KCND3: variants seen among roughly 807,000 people sequenced by gnomAD.
The protein encoded by KCND3 is A-type voltage-gated potassium channel KCND3.
Under a neutral mutation model 51.1 loss-of-function variants are expected in KCND3, and 9 were observed. The observed-to-expected ratio is 0.18, with a 90% confidence interval of 0.11 to 0.31. The LOEUF (loss-of-function observed/expected upper bound fraction) is 0.31, where lower values mean the gene tolerates loss of function less well. Ranked by LOEUF, KCND3 falls within the 10% of genes least tolerant of loss-of-function variation. KCND3 has a pLI of 1.00. For synonymous variants in KCND3, 349 were observed against 368.0 expected, an observed-to-expected ratio of 0.95 and a Z score of 0.59; for missense variants, 526 against 903.8, an observed-to-expected ratio of 0.58 and a Z score of 5.36.
rs1471572255 is a variant in KCND3, at chr1:111,777,151, G to A, written c.1641C>T (p.Cys547=). Residue 547 remains cysteine, a synonymous_variant, in exon 7 of 8, where the codon TGC becomes TGT. Coordinates refer to ENST00000302127, the MANE Select transcript of KCND3 (RefSeq NM_001378969.1). ...SSHPGLTTTC[C]SRRSKKTTHL... ...GTGTGGTCTTCTTACTACGACGGGA[G>A]CAGCAGGTGGTAGTGAGGCCTGGGT... 9 of 1,614,092 alleles carry A rather than the reference G, an allele frequency of 5.6e-6. No individual in the cohort carries two copies. The highest frequency in any genetic ancestry group is 7.6e-6 in the Non-Finnish European group (9 of 1,180,042).
chr1:111,866,263 C>CTTTT (rs11399761), intron 2 of KCND3, among the ~76,000 whole-genome samples: 2 of 54,256 alleles, frequency 3.7e-5, no homozygotes, highest in Non-Finnish European at 5.4e-5. Flanking sequence ...CTTTTCTTTT[C>CTTTT]TTTTTTTTTT....
At chr1:111,884,196 A>G (rs1339360494) in intron 2 of KCND3, among the ~76,000 whole-genome samples, 6 of 152,280 alleles carry the variant, frequency 3.9e-5, no homozygotes, top group African/African-American at 1.4e-4. Context: ...TGGGGCTCTG[A>G]GCTCTGTGAA....
chr1:111,884,973 A>C (rs1236272224), intron 2 of KCND3, among the ~76,000 whole-genome samples: 1 of 152,150 alleles, frequency 6.6e-6, no homozygotes, highest in Non-Finnish European at 1.5e-5. Flanking sequence ...TACCCACTAG[A>C]TGCCAGTAGC....
intron 2 of KCND3, among the ~76,000 whole-genome samples, chr1:111,800,453 CTTGT>C (rs1322661081): frequency 8.1e-6 from 1 of 124,138 alleles, no homozygotes; most frequent in Non-Finnish European, 1.7e-5. Context: ...CCTTTGTTCA[CTTGT>C]TTATCTGCTG....
intron 2 of KCND3, among the ~76,000 whole-genome samples, chr1:111,978,388 G>C (rs999990647): frequency 6.6e-6 from 1 of 152,258 alleles, no homozygotes. Flanking sequence ...GTAGATATCT[G>C]CTGTGAGCTG....
At chr1:111,965,489 C>T (rs1049508559) in intron 2 of KCND3, among the ~76,000 whole-genome samples, 7 of 150,056 alleles carry the variant, frequency 4.7e-5, no homozygotes, top group Non-Finnish European at 7.4e-5. Context: ...CACACACACA[C>T]GCCAGGAGCA....
intron 2 of KCND3, among the ~76,000 whole-genome samples, chr1:111,791,866 C>T (rs1355016588): frequency 1.3e-5 from 2 of 152,222 alleles, no homozygotes; most frequent in Non-Finnish European, 2.9e-5. Flanking sequence ...AAAAGAGTCT[C>T]TGTTAAAAAT....
At position 111,789,175 on chromosome 1, in the gene KCND3, G is replaced by A. The variant is rs529736063; in HGVS notation, c.1107-2069C>T. ...ATTTCAGAGTGACCAAGGCTGATGA[G>A]GAATGCTAAGGACAACAGAAAGATT... On this transcript the variant is annotated intron_variant, in intron 2 of 7. Coordinates refer to ENST00000302127, the MANE Select transcript of KCND3 (RefSeq NM_001378969.1). Among the ~76,000 whole-genome samples, 4 of 152,332 alleles carry A rather than the reference G, an allele frequency of 2.6e-5. No homozygotes were observed. In the South Asian group the frequency reaches 8.3e-4, roughly 32 times the overall value.
At chr1:111,864,888 A>G (rs1444604463) in intron 2 of KCND3, among the ~76,000 whole-genome samples, 1 of 152,172 alleles carries the variant, frequency 6.6e-6, no homozygotes, top group African/African-American at 2.4e-5. Context: ...AGGGAGAGAA[A>G]GGCATAGAAG....
rs190703406 is a variant in KCND3 at position 111,780,753 on chromosome 1, G to A, written c.1308C>T (p.Gly436=). 1 of 1,613,498 alleles carries A rather than the reference G, an allele frequency of 6.2e-7. No individual in the cohort carries two copies. The highest frequency in any genetic ancestry group is 8.5e-7 in the Non-Finnish European group (1 of 1,179,884). ...RLARIRVAKT[G]SSNAYLHSKR... ...TGCTGTGCAGGTATGCATTCGAACT[G>A]CCTGTTTTGGCCACACGGATCCTGG... Residue 436 remains glycine (G), a synonymous_variant, in exon 4 of 8, where the codon GGC becomes GGT. Transcript: ENST00000302127. This position sits in a 1 kb window ranked among gnomAD's most constrained non-coding sequence, Gnocchi z 4.2.
chr1:111,952,097 T>C (rs745667506), intron 2 of KCND3, among the ~76,000 whole-genome samples: 1 of 152,320 alleles, frequency 6.6e-6, no homozygotes, highest in East Asian at 1.9e-4. Context: ...TGGAATCTTC[T>C]GGGAATGTGG....
intron 2 of KCND3, among the ~76,000 whole-genome samples, chr1:111,913,966 A>T (rs1671078798): frequency 6.6e-6 from 1 of 151,122 alleles, no homozygotes; most frequent in South Asian, 2.1e-4. Context: ...ACTAATAAGC[A>T]GGAGAAAATC....
intron 2 of KCND3, among the ~76,000 whole-genome samples, chr1:111,937,518 C>G (rs1465986693): frequency 1.3e-5 from 2 of 152,192 alleles, no homozygotes; most frequent in African/African-American, 4.8e-5. Flanking sequence ...AAATGAGATT[C>G]AAGCAGATGC....
intron 2 of KCND3, among the ~76,000 whole-genome samples, chr1:111,809,346 T>G (rs988804508): frequency 1.3e-5 from 2 of 150,488 alleles, no homozygotes; most frequent in African/African-American, 4.9e-5. Context: ...TCTCGCTCTG[T>G]CCCCCAGGCT....
At chr1:111,878,573 G>A (rs906799629) in intron 2 of KCND3, among the ~76,000 whole-genome samples, 2 of 152,214 alleles carry the variant, frequency 1.3e-5, no homozygotes, top group South Asian at 2.1e-4. Context: ...AGGCACCCTC[G>A]TTGTCAAGTG....
rs776077160 is a variant in KCND3 at position 111,982,773 on chromosome 1, C to A, written c.-47G>T. The A allele has an allele frequency of 1.9e-6, 3 of 1,567,756 alleles. No individual in the cohort carries two copies. The highest frequency in any genetic ancestry group is 2.6e-6 in the Non-Finnish European group (3 of 1,164,122). ...GGCAGCCGCGCGGACGCTAGGCACA[C>A]CAGCTTGGAGTTAGTTCAGCAAACC... is the stretch of plus-strand genomic sequence containing the variant. On this transcript the variant is annotated 5_prime_UTR_variant, in exon 2 of 8. Coordinates refer to ENST00000302127, the MANE Select transcript of KCND3 (RefSeq NM_001378969.1). This position sits in a 1 kb window ranked among gnomAD's most constrained non-coding sequence, Gnocchi z 8.5.
rs1664343332 is a variant in KCND3, at chr1:111,780,718, C to T, written c.1343G>A (p.Gly448Glu). ...CAGCTCCAGCGCCTCGTTGAGGAGC[C>T]CGTTGCGCTTGCTGTGCAGGTATGC... ...SNAYLHSKRNGLLNEALELTG... is the reference protein window; with the variant it reads ...SNAYLHSKRNELLNEALELTG... The change falls in exon 4 of 8, where the codon GGG becomes GAG. Residue 448 changes from glycine to glutamate, a missense_variant. By Grantham distance (98) the Gly-to-Glu change is moderately conservative (BLOSUM62 -2). Transcript: ENST00000302127. This position sits in a 1 kb window ranked among gnomAD's most constrained non-coding sequence, Gnocchi z 4.2. The T allele has an allele frequency of 6.2e-7, 1 of 1,612,472 alleles. No individual in the cohort carries two copies. Among genetic ancestry groups the T allele is most frequent in the Non-Finnish European group, 8.5e-7 (1 of 1,179,452 alleles).
chr1:111,777,864 T>C (rs1378848197), intron 6 of KCND3, among the ~76,000 whole-genome samples: 5 of 152,206 alleles, frequency 3.3e-5, no homozygotes. Context: ...GTCCTTAATA[T>C]ACCTGGAGGC....
At chr1:111,858,587 A>G (rs1444183417) in intron 2 of KCND3, among the ~76,000 whole-genome samples, 1 of 152,184 alleles carries the variant, frequency 6.6e-6, no homozygotes, top group Non-Finnish European at 1.5e-5. Flanking sequence ...AAGTTAAAAC[A>G]TTGTCATGGG....
Sources: gnomAD v4.1 joint callset for allele counts (sites outside exome capture counted in the v4.1 genomes callset) on GRCh38, gnomAD v4.1.1 for gene constraint, Gnocchi (gnomAD v3.1) non-coding constraint, MANE v1.5 for transcripts, NCBI Gene and HGNC (gene_info 2026-07-23, HGNC 2026-07-21) for gene names.